ST14: variants seen among roughly 807,000 people sequenced by gnomAD.
The protein encoded by ST14 is suppressor of tumorigenicity 14 protein.
In ST14, 40 loss-of-function variants were observed where a neutral mutation model predicts 96.5. That is an observed-to-expected ratio of 0.41 (90% confidence interval 0.32 to 0.54). The LOEUF is 0.54. Among genes scored for constraint, ST14 ranks in the 20% least tolerant of loss-of-function variants. The probability of loss-of-function intolerance (pLI) is 0.17; values close to 1 mark genes in which losing one functional copy is unlikely to be tolerated. For synonymous variants in ST14, 506 were observed against 492.1 expected (o/e 1.03, Z -0.37); for missense variants, 1,066 against 1,188.9 (o/e 0.90, Z 1.52).
chr11:130,159,905 C>A lies in ST14; in HGVS notation c.-75C>A. The A allele has an allele frequency of 1.0e-6, 1 of 956,316 alleles. No individual in the cohort carries two copies. Among genetic ancestry groups the A allele is most frequent in the Non-Finnish European group, 1.3e-6 (1 of 742,580 alleles). The allele number at this position is 956,316 out of a possible 1,614,324, so 59.2% of individuals were successfully genotyped here. ...ATCCCGCCGCCTGCGCCCCGCGCCCCGCGCCCTGCGGGCCATGGGAGCCGG... is the reference window on the plus strand; with the variant it reads ...ATCCCGCCGCCTGCGCCCCGCGCCCAGCGCCCTGCGGGCCATGGGAGCCGG... On this transcript the variant is annotated 5_prime_UTR_variant, in exon 1 of 19. Transcript: ENST00000278742.
At chr11:130,201,589 C>G (rs1953429191) in intron 16 of ST14, among the ~76,000 whole-genome samples, 1 of 152,228 alleles carries the variant, frequency 6.6e-6, no homozygotes, top group African/African-American at 2.4e-5. Context: ...CTTTGTCCAG[C>G]CTGAGGCTGT....
chr11:130,185,962 C>T lies in ST14; in HGVS notation c.82-2152C>T, dbSNP rs182574180. ...AGCTGGGATTACATGCACGTGCCAC[C>T]GCGCCTGGCTAATTTTTGTATTGTT... is the stretch of plus-strand genomic sequence containing the variant. On this transcript the variant is annotated intron_variant, in intron 1 of 18. Coordinates refer to ENST00000278742, the MANE Select transcript of ST14 (RefSeq NM_021978.4). Among the ~76,000 whole-genome samples the T allele has an allele frequency of 6.5e-4, 99 of 152,000 alleles. 2 individuals are homozygous for T. The South Asian group carries it at 0.018, about 28-fold the overall frequency.
At chr11:130,160,904 G>A (rs1952994072) in intron 1 of ST14, among the ~76,000 whole-genome samples, 1 of 152,190 alleles carries the variant, frequency 6.6e-6, no homozygotes, top group African/African-American at 2.4e-5. Context: ...GAAGGCCAGG[G>A]CATACCAGGT....
intron 9 of ST14, among the ~76,000 whole-genome samples, chr11:130,195,955 G>A (rs1019604769): frequency 1.3e-5 from 2 of 152,032 alleles, no homozygotes; most frequent in Admixed American, 1.3e-4. Flanking sequence ...TCAGGAGTTT[G>A]AGACCAGCCT....
At chr11:130,165,420 A>G (rs1450726161) in intron 1 of ST14, among the ~76,000 whole-genome samples, 1 of 152,244 alleles carries the variant, frequency 6.6e-6, no homozygotes, top group Non-Finnish European at 1.5e-5. Flanking sequence ...GGGTTTGCTC[A>G]GAGCTCATGG....
intron 1 of ST14, among the ~76,000 whole-genome samples, chr11:130,172,281 T>A (rs564897050): frequency 7.3e-5 from 11 of 151,674 alleles, no homozygotes; most frequent in Non-Finnish European, 1.0e-4. Context: ...TTTTAAAAAA[T>A]TTTTGTAGAG....
chr11:130,171,495 T>C (rs1191811322), intron 1 of ST14, among the ~76,000 whole-genome samples: 2 of 152,204 alleles, frequency 1.3e-5, no homozygotes, highest in Admixed American at 6.5e-5. Context: ...TTCCTTTGGA[T>C]AAATACTCAG....
intron 1 of ST14, among the ~76,000 whole-genome samples, chr11:130,164,154 C>T (rs1565616444): frequency 2.0e-5 from 3 of 152,180 alleles, no homozygotes; most frequent in Admixed American, 6.5e-5. Context: ...GTGACAGAGT[C>T]CCCTGGGAGC....
At chr11:130,165,772 G>A (rs1195401218) in intron 1 of ST14, among the ~76,000 whole-genome samples, 1 of 152,212 alleles carries the variant, frequency 6.6e-6, no homozygotes, top group African/African-American at 2.4e-5. Context: ...CACAACAGCT[G>A]TGTGGGGGAA....
intron 1 of ST14, among the ~76,000 whole-genome samples, chr11:130,169,095 T>G (rs1480277954): frequency 8.9e-5 from 9 of 100,848 alleles, no homozygotes; most frequent in Admixed American, 4.3e-4. Flanking sequence ...ATAATGGGTT[T>G]TTTTTTTTTT....
intron 1 of ST14, among the ~76,000 whole-genome samples, chr11:130,180,958 G>C (rs186161969): frequency 6.6e-6 from 1 of 152,142 alleles, no homozygotes; most frequent in Non-Finnish European, 1.5e-5. Flanking sequence ...TCCCCTTCCC[G>C]GGTTTCTGGA....
chr11:130,208,211 G>A (rs1016948450), intron 16 of ST14, among the ~76,000 whole-genome samples, 199 bp from the exon 17 acceptor site: 4 of 152,252 alleles, frequency 2.6e-5, no homozygotes, highest in Non-Finnish European at 4.4e-5. Flanking sequence ...AAGAGTTCAA[G>A]AGGGATTTCA....
intron 1 of ST14, 25 bp downstream of exon 1, chr11:130,160,085 G>A (rs1952987565): frequency 4.3e-6 from 6 of 1,398,124 alleles, no homozygotes; most frequent in Non-Finnish European, 5.6e-6. Context: ...GGGACCCGGG[G>A]CGCTGGGAAG....
In ST14 at chr11:130,188,113, G is replaced by C; in HGVS notation, c.82-1G>C. On this transcript the variant is annotated splice_acceptor_variant, in intron 1 of 18. Transcript: ENST00000278742. LOFTEE classifies it high-confidence loss of function. The surrounding 1 kb of genome is among the most constrained non-coding windows in gnomAD (Gnocchi z 5.4). ...GAGTGGTGGCGCCTCTCTCCCTGCA[G>C]AAAGTGAATGGCTTGGAGGAAGGCG... 1 of 1,614,166 alleles carries C rather than the reference G, an allele frequency of 6.2e-7. No individual in the cohort carries two copies. Among genetic ancestry groups the C allele is most frequent in the South Asian group, 1.1e-5 (1 of 91,086 alleles).
Position 130,188,971 on chromosome 11 carries a change from A to C in ST14, c.440+32A>C, listed in dbSNP as rs1591886919. 1 of 1,592,248 alleles carries C rather than the reference A, an allele frequency of 6.3e-7. No individual in the cohort carries two copies. The highest frequency in any genetic ancestry group is 8.6e-7 in the Non-Finnish European group (1 of 1,168,886). ...GTGGAGAGAAGGCTCAGTGGGATGC[A>C]CCCCAGACTGGCTGGGAGTAGGATC... On this transcript the variant is annotated intron_variant, in intron 4 of 18. Coordinates refer to ENST00000278742, the MANE Select transcript of ST14 (RefSeq NM_021978.4). The surrounding 1 kb of genome is among the most constrained non-coding windows in gnomAD (Gnocchi z 5.4).
rs960850564 is a variant in ST14 at position 130,203,129 on chromosome 11, G to A, written c.1994+2992G>A. 3.9e-5 allele frequency among the ~76,000 whole-genome samples: 6 copies of A among 152,230 alleles called. No homozygotes were observed. The East Asian group carries it at 5.8e-4, about 15-fold the overall frequency. On this transcript the variant is annotated intron_variant, in intron 16 of 18. Transcript: ENST00000278742. ...GAAAGCGGGGTCTTGAGCTGAGGTC[G>A]CCAGGTGAACAGGGCGGGCTTGGAG... is the stretch of plus-strand genomic sequence containing the variant.
chr11:130,204,211 T>C (rs1953463233), intron 16 of ST14, among the ~76,000 whole-genome samples: 1 of 152,078 alleles, frequency 6.6e-6, no homozygotes, highest in Non-Finnish European at 1.5e-5. Context: ...CCAGAGATTG[T>C]TGAGTGAATG....
intron 4 of ST14, chr11:130,189,195 G>A (rs1953269315): frequency 1.2e-5 from 7 of 578,956 alleles, no homozygotes; most frequent in Admixed American, 3.0e-5. Flanking sequence ...TGCCAGGAAC[G>A]GCTGTGATTC....
intron 16 of ST14, among the ~76,000 whole-genome samples, chr11:130,204,697 A>G (rs1415537740): frequency 6.6e-6 from 1 of 151,288 alleles, no homozygotes; most frequent in African/African-American, 2.4e-5. Flanking sequence ...CTGCACTCCC[A>G]GCTACTTGGG....
Sources: allele counts gnomAD v4.1 joint callset (sites outside exome capture counted in the v4.1 genomes callset), GRCh38; gene constraint gnomAD v4.1.1; non-coding constraint Gnocchi (gnomAD v3.1); transcripts MANE v1.5; gene names NCBI Gene and HGNC (gene_info 2026-07-23, HGNC 2026-07-21).